The following TNFRSF10A variants were observed in gnomAD, a reference collection of about 807,000 sequenced individuals.
The protein encoded by TNFRSF10A is TNF receptor superfamily member 10a, also known as tumor necrosis factor receptor superfamily member 10A.
A neutral mutation model predicts 42.8 loss-of-function variants in TNFRSF10A; 44 were observed. The ratio of observed to expected loss-of-function variants is 1.03; its 90% CI spans 0.81 to 1.32. The LOEUF (loss-of-function observed/expected upper bound fraction) is 1.32. TNFRSF10A is among the 40% of genes most tolerant of loss of function. The pLI, the probability that TNFRSF10A is intolerant of heterozygous loss-of-function variation, is 0.00. For missense variants in TNFRSF10A, 680 were observed against 602.0 expected, an observed-to-expected ratio of 1.13 and a Z score of -1.36; for synonymous variants, 259 against 234.2, an observed-to-expected ratio of 1.11 and a Z score of -0.97.
intron 6 of TNFRSF10A, among the ~76,000 whole-genome samples, chr8:23,200,291 G>C (rs986813263): frequency 1.1e-4 from 16 of 152,184 alleles, no homozygotes; most frequent in Admixed American, 8.5e-4. Flanking sequence ...ACTTGGCTGG[G>C]AGATGAGGGG....
Position 23,191,501 on chromosome 8 carries a change from T to C in TNFRSF10A, c.*193A>G. The C allele has an allele frequency of 2.8e-6, 2 of 702,340 alleles. No individual in the cohort carries two copies. The highest frequency in any genetic ancestry group is 2.3e-6 in the Non-Finnish European group (1 of 441,304). 43.5% of individuals were successfully genotyped at this position (702,340 alleles called of 1,614,324 possible). ...TTTTTGTAAAGACGGCATTTCACGATGTTGGTCAGGCTGGTCTTGAACTTC... is the reference window on the plus strand; with the variant it reads ...TTTTTGTAAAGACGGCATTTCACGACGTTGGTCAGGCTGGTCTTGAACTTC... On this transcript the variant is annotated 3_prime_UTR_variant, in exon 10 of 10. Coordinates refer to ENST00000221132, the MANE Select transcript of TNFRSF10A (RefSeq NM_003844.4).
intron 9 of TNFRSF10A, 55 bp from the exon 10 acceptor site, chr8:23,192,068 G>T: frequency 6.4e-7 from 1 of 1,558,030 alleles, no homozygotes; most frequent in African/African-American, 1.4e-5. Flanking sequence ...AGTTCAGAAG[G>T]GGCAGAGGAT....
chr8:23,199,232 T>A lies in TNFRSF10A; in HGVS notation c.1014+34A>T. 3 of 1,594,108 alleles carry A rather than the reference T, an allele frequency of 1.9e-6. No individual in the cohort carries two copies. The South Asian group carries it at 3.3e-5, about 18-fold the overall frequency. ...CGAGGCATGGCCTTCACCCCCTGCC[T>A]ACAAGGTCTTGGAGGGGCCTGTCCC... On this transcript the variant is annotated intron_variant, in intron 8 of 9. Transcript: ENST00000221132.
chr8:23,201,911 C>T lies in TNFRSF10A; in HGVS notation c.526G>A (p.Glu176Lys). 1 of 1,614,044 alleles carries T rather than the reference C, an allele frequency of 6.2e-7. No individual in the cohort carries two copies. The highest frequency in any genetic ancestry group is 8.5e-7 in the Non-Finnish European group (1 of 1,179,944). ...CTGGTCGTGGTGCAGGGACTTCTCTCTTCTTCATCTGATGACAGAGTACAA... is the reference window on the plus strand; with the variant it reads ...CTGGTCGTGGTGCAGGGACTTCTCTTTTCTTCATCTGATGACAGAGTACAA... ...PCTACKSDEE[E>K]RSPCTTTRNT... Residue 176 changes from glutamate to lysine, a missense_variant, in exon 4 of 10, where the codon GAG (glutamate) becomes AAG (lysine). Glu to Lys is a moderately conservative substitution (Grantham distance 56, BLOSUM62 1). Transcript: ENST00000221132.
chr8:23,205,593 T>C (rs1451018782), intron 2 of TNFRSF10A, among the ~76,000 whole-genome samples: 1 of 151,930 alleles, frequency 6.6e-6, no homozygotes, highest in Non-Finnish European at 1.5e-5. Context: ...GACATAGGAG[T>C]TGACAGCTCC....
At chr8:23,211,448 T>C (rs1322638499) in intron 2 of TNFRSF10A, among the ~76,000 whole-genome samples, 2 of 152,188 alleles carry the variant, frequency 1.3e-5, no homozygotes, top group Non-Finnish European at 2.9e-5. Flanking sequence ...TCAAAAGACT[T>C]CTCATTGTTA....
In TNFRSF10A at chr8:23,212,189, G is replaced by A. The variant is rs369159991; in HGVS notation, c.330C>T (p.Thr110=). Residue 110 remains threonine (T), a synonymous_variant, in exon 2 of 10, where the codon ACC becomes ACT. Coordinates refer to ENST00000221132, the MANE Select transcript of TNFRSF10A (RefSeq NM_003844.4). ...LLQVVPSSAA[T]IKLHDQSIGT... ...CAATTGATTGATCATGAAGTTTGAT[G>A]GTTGCAGCTGAGCTAGGTACGACCT... 45 of 1,613,488 alleles carry A rather than the reference G, an allele frequency of 2.8e-5. No homozygotes were observed. In the African/African-American group the frequency reaches 6.0e-4, roughly 22 times the overall value.
At chr8:23,193,347 G>T (rs1800780305) in intron 9 of TNFRSF10A, among the ~76,000 whole-genome samples, 1 of 152,224 alleles carries the variant, frequency 6.6e-6, no homozygotes, top group African/African-American at 2.4e-5. Flanking sequence ...TCCCACTGCA[G>T]CCGGCCCCAA....
rs1262723798 is a variant in TNFRSF10A, at chr8:23,192,006, C to T, written c.1095G>A (p.Met365Ile). 4.3e-6 allele frequency: 7 copies of T among 1,612,604 alleles called. No individual in the cohort carries two copies. The highest frequency in any genetic ancestry group is 1.3e-5 in the African/African-American group (1 of 74,918). Residue 365 changes from methionine to isoleucine, a missense_variant, in exon 10 of 10, where the codon ATG (methionine) becomes ATA (isoleucine). Transcript: ENST00000221132. Reference protein sequence around the residue: ...ANGADPTETLMLFFDKFANIV... With the variant: ...ANGADPTETLILFFDKFANIV... ...TGTTTGCAAACTTGTCAAAGAACAG[C>T]ATCAGAGCTGGGTGGAGAAAGCCAC...
chr8:23,224,447 T>G, intron 1 of TNFRSF10A: 1 of 403,848 alleles, frequency 2.5e-6, no homozygotes, highest in Non-Finnish European at 4.5e-6. Context: ...GCTCTATCGA[T>G]TCCGAAACTT....
intron 9 of TNFRSF10A, among the ~76,000 whole-genome samples, chr8:23,195,949 T>C (rs981068474): frequency 6.6e-6 from 1 of 152,142 alleles, no homozygotes; most frequent in Non-Finnish European, 1.5e-5. Context: ...ACCCAATATG[T>C]CCATCAAAAG....
chr8:23,222,068 G>A (rs1042555101), intron 1 of TNFRSF10A, among the ~76,000 whole-genome samples: 4 of 151,956 alleles, frequency 2.6e-5, no homozygotes, highest in African/African-American at 9.7e-5. Flanking sequence ...TAGTAGAGAC[G>A]GGGTTTCACC....
At chr8:23,199,168 A>C (rs1449846760) in intron 8 of TNFRSF10A, 98 bp downstream of exon 8, 13 of 1,461,366 alleles carry the variant, frequency 8.9e-6, no homozygotes, top group African/African-American at 4.2e-5. Flanking sequence ...CTGCAGTCCC[A>C]TCTCCCTCAG....
Position 23,199,332 on chromosome 8 carries a change from T to C in TNFRSF10A, c.948A>G (p.Glu316=), listed in dbSNP as rs1800871538. ...LSTFVSEQQM[E]SQEPADLTGV... The stretch of plus-strand genomic sequence containing the variant: ...CTGTCAAATCTGCCGGCTCCTGGCT[T>C]TCCATTTGCTGCTCAGAGACGAAAG... The change falls in exon 8 of 10, where the codon GAA becomes GAG. Residue 316 remains glutamate (E), a synonymous_variant. Transcript: ENST00000221132. The C allele has an allele frequency of 6.2e-7, 1 of 1,614,164 alleles. No individual in the cohort carries two copies. Among genetic ancestry groups the C allele is most frequent in the Non-Finnish European group, 8.5e-7 (1 of 1,180,006 alleles).
intron 1 of TNFRSF10A, among the ~76,000 whole-genome samples, chr8:23,217,096 A>G (rs1801194554): frequency 6.6e-6 from 1 of 152,224 alleles, no homozygotes; most frequent in Non-Finnish European, 1.5e-5. Flanking sequence ...TCGTTCTATC[A>G]GTTGCTGAGA....
chr8:23,215,708 A>C (rs565267692), intron 1 of TNFRSF10A, among the ~76,000 whole-genome samples: 1 of 152,144 alleles, frequency 6.6e-6, no homozygotes, highest in South Asian at 2.1e-4. Context: ...ATAAGATCCC[A>C]CTATTTTCCT....
rs867085801 is a variant in TNFRSF10A, at chr8:23,224,764, G to A, written c.298C>T (p.Leu100=). Reference sequence around the variant, plus strand: ...CCGCGGTGGGGACTCACCTGCAGCAGGACCCCGACGACGACAAACTTGAAG... The same window carrying A: ...CCGCGGTGGGGACTCACCTGCAGCAAGACCCCGACGACGACAAACTTGAAG... The part of the protein sequence containing the change: ...KTFKFVVVGV[L]LQVVPSSAAT... Residue 100 remains leucine, a synonymous_variant, in exon 1 of 10, where the codon CTG becomes TTG. Transcript: ENST00000221132. 5.1e-6 allele frequency: 8 copies of A among 1,565,320 alleles called. No individual in the cohort carries two copies. The highest frequency in any genetic ancestry group is 6.9e-6 in the Non-Finnish European group (8 of 1,154,910).
chr8:23,217,018 C>T (rs1402924654), intron 1 of TNFRSF10A, among the ~76,000 whole-genome samples: 2 of 152,112 alleles, frequency 1.3e-5, no homozygotes, highest in Admixed American at 6.5e-5. Flanking sequence ...CATATATGCT[C>T]TATAAATGTC....
chr8:23,214,293 C>T (rs1340770430), intron 1 of TNFRSF10A, among the ~76,000 whole-genome samples: 1 of 152,084 alleles, frequency 6.6e-6, no homozygotes, highest in African/African-American at 2.4e-5. Flanking sequence ...CGAGACCATC[C>T]TGGCTAACAC....
Sources: allele counts gnomAD v4.1 joint callset (sites outside exome capture counted in the v4.1 genomes callset), GRCh38; gene constraint gnomAD v4.1.1; transcripts MANE v1.5; gene names NCBI Gene and HGNC (gene_info 2026-07-23, HGNC 2026-07-21).